The following ZNF609 variants were observed in gnomAD, a reference collection of about 807,000 sequenced individuals.
ZNF609 encodes zinc finger protein 609.
ZNF609 carries 11 observed loss-of-function variants against 109.5 expected under a neutral mutation model. The ratio of observed to expected loss-of-function variants is 0.10; its 90% CI spans 0.06 to 0.17. The LOEUF is 0.17. ZNF609 is among the 10% of genes least tolerant of loss of function. ZNF609 has a pLI of 1.00. For missense variants in ZNF609, 1,559 were observed against 1,772.4 expected (o/e 0.88, Z 2.16); for synonymous variants, 646 against 662.0 (o/e 0.98, Z 0.37).
chr15:64,573,072 A>G (rs755715520), intron 2 of ZNF609, among the ~76,000 whole-genome samples: 5 of 152,240 alleles, frequency 3.3e-5, no homozygotes, highest in Non-Finnish European at 7.3e-5. Context: ...CCTAGGATGC[A>G]TTCATAGTAC....
chr15:64,583,793 TGTA>T (rs1895150105), intron 2 of ZNF609, among the ~76,000 whole-genome samples: 2 of 152,112 alleles, frequency 1.3e-5, no homozygotes, highest in Admixed American at 1.3e-4. Flanking sequence ...GAGCTCTGAT[TGTA>T]TCTTTTAGGA....
At chr15:64,528,139 C>G (rs896299600) in intron 2 of ZNF609, among the ~76,000 whole-genome samples, 1 of 151,366 alleles carries the variant, frequency 6.6e-6, no homozygotes, top group Non-Finnish European at 1.5e-5. Flanking sequence ...GCTCTGTTGC[C>G]CAGGCTGGAG....
At chr15:64,650,536 AGAG>A (rs1303838149) in intron 3 of ZNF609, among the ~76,000 whole-genome samples, 2 of 152,202 alleles carry the variant, frequency 1.3e-5, no homozygotes, top group Non-Finnish European at 2.9e-5. Flanking sequence ...GGGGCTTAAG[AGAG>A]GATAAAAGTT....
At chr15:64,587,379 C>G (rs969957843) in intron 2 of ZNF609, among the ~76,000 whole-genome samples, 5 of 34,340 alleles carry the variant, frequency 1.5e-4, no homozygotes, top group Non-Finnish European at 7.8e-4. Flanking sequence ...CCTAGCAGCA[C>G]AGTACCTATT....
chr15:64,618,015 A>C (rs1895825335), intron 2 of ZNF609, among the ~76,000 whole-genome samples: 1 of 152,148 alleles, frequency 6.6e-6, no homozygotes, highest in South Asian at 2.1e-4. Flanking sequence ...AATGACCTTA[A>C]CTTTTTAATA....
intron 3 of ZNF609, among the ~76,000 whole-genome samples, chr15:64,645,900 T>C (rs1567038280): frequency 6.6e-6 from 1 of 152,178 alleles, no homozygotes; most frequent in Non-Finnish European, 1.5e-5. Context: ...CAAGAGGATG[T>C]GGAGAAATTG....
At chr15:64,532,662 G>A (rs1269022926) in intron 2 of ZNF609, among the ~76,000 whole-genome samples, 3 of 152,232 alleles carry the variant, frequency 2.0e-5, no homozygotes, top group Non-Finnish European at 4.4e-5. Context: ...GAAGCTGTGA[G>A]TGCATTTGCA....
chr15:64,504,636 GTT>G (rs767874531), intron 2 of ZNF609, among the ~76,000 whole-genome samples: 20 of 136,892 alleles, frequency 1.5e-4, no homozygotes, highest in East Asian at 2.1e-4. Flanking sequence ...TGCCTGGCTA[GTT>G]TTTTTTTTTT....
intron 2 of ZNF609, chr15:64,593,321 A>G (rs1895335156): frequency 7.4e-7 from 1 of 1,357,110 alleles, no homozygotes; most frequent in South Asian, 1.2e-5. Context: ...ACCAAAGCCC[A>G]TGTAAGGAGG....
intron 1 of ZNF609, among the ~76,000 whole-genome samples, chr15:64,469,204 A>G (rs1893059492): frequency 6.6e-6 from 1 of 151,884 alleles, no homozygotes; most frequent in South Asian, 2.1e-4. Context: ...TAGAAGTTGC[A>G]GTGAGCCGAG....
chr15:64,634,247 G>A (rs1244052660), intron 3 of ZNF609, among the ~76,000 whole-genome samples: 1 of 152,110 alleles, frequency 6.6e-6, no homozygotes, highest in Non-Finnish European at 1.5e-5. Flanking sequence ...TTCAAACTCT[G>A]TGGTTGAGCC....
chr15:64,613,312 A>G (rs1265191481), intron 2 of ZNF609, among the ~76,000 whole-genome samples: 1 of 152,136 alleles, frequency 6.6e-6, no homozygotes, highest in Non-Finnish European at 1.5e-5. Context: ...CTGTCTCAGA[A>G]AAAAAACGAA....
At chr15:64,463,978 A>C (rs1892977024) in intron 1 of ZNF609, among the ~76,000 whole-genome samples, 1 of 152,144 alleles carries the variant, frequency 6.6e-6, no homozygotes. Flanking sequence ...TGCCACAAGG[A>C]ATCTCATGTG....
chr15:64,528,620 C>T, intron 2 of ZNF609: 3 of 773,408 alleles, frequency 3.9e-6, no homozygotes, highest in Non-Finnish European at 6.6e-6. Flanking sequence ...GCAGTAAGAG[C>T]TTCTGTCTTC....
chr15:64,610,875 T>C (rs1439491052), intron 2 of ZNF609, among the ~76,000 whole-genome samples: 2 of 152,154 alleles, frequency 1.3e-5, no homozygotes, highest in African/African-American at 4.8e-5. Flanking sequence ...ATAGGTTAAA[T>C]AGATTTCTGT....
chr15:64,680,015 G>C (rs1896859370), intron 6 of ZNF609, among the ~76,000 whole-genome samples, 170 bp from the exon 7 acceptor site: 1 of 152,134 alleles, frequency 6.6e-6, no homozygotes, highest in Non-Finnish European at 1.5e-5. Flanking sequence ...AATTTTTCCT[G>C]TAGAGCTCAG....
intron 3 of ZNF609, chr15:64,631,311 G>A (rs1381967404): frequency 5.9e-6 from 4 of 681,834 alleles, no homozygotes; most frequent in African/African-American, 1.8e-5. Flanking sequence ...AGTGCTTAAT[G>A]TGCTGAATAC....
intron 2 of ZNF609, among the ~76,000 whole-genome samples, chr15:64,565,075 C>T (rs1490926330): frequency 3.1e-5 from 4 of 130,908 alleles, no homozygotes; most frequent in South Asian, 5.0e-4. Context: ...TTTTTTGAGA[C>T]GGAGTCTTGA....
chr15:64,545,056 A>G (rs2140385738), intron 2 of ZNF609, among the ~76,000 whole-genome samples: 1 of 152,356 alleles, frequency 6.6e-6, no homozygotes, highest in South Asian at 2.1e-4. Context: ...GCAAGATTAA[A>G]TGAGACTAGT....
Sources: gnomAD v4.1 joint callset for allele counts (sites outside exome capture counted in the v4.1 genomes callset) on GRCh38, gnomAD v4.1.1 for gene constraint, MANE v1.5 for transcripts, NCBI Gene and HGNC (gene_info 2026-07-23, HGNC 2026-07-21) for gene names.